The following GOPC variants were observed in gnomAD, a reference collection of about 807,000 sequenced individuals.
The protein encoded by GOPC is Golgi-associated PDZ and coiled-coil motif-containing protein.
Under a neutral mutation model 51.2 loss-of-function variants are expected in GOPC, and 32 were observed. The observed-to-expected ratio is 0.63, with a 90% CI of 0.47 to 0.84. The LOEUF (loss-of-function observed/expected upper bound fraction) is 0.84. GOPC is among the 40% of genes least tolerant of loss of function. GOPC has a pLI of 0.00. For synonymous variants in GOPC, 190 were observed against 205.1 expected (o/e 0.93, Z 0.63); for missense variants, 441 against 555.5 (o/e 0.79, Z 2.07).
chr6:117,572,043 A>T (rs1779814806), intron 5 of GOPC, among the ~76,000 whole-genome samples: 1 of 152,126 alleles, frequency 6.6e-6, no homozygotes, highest in Admixed American at 6.6e-5. Flanking sequence ...TTTCAAGTAT[A>T]ATAGAAGGAT....
intron 6 of GOPC, chr6:117,569,950 C>A: frequency 4.5e-6 from 2 of 446,970 alleles, no homozygotes; most frequent in South Asian, 5.2e-5. Flanking sequence ...TTAAAAAAAA[C>A]TTATGTGTTA....
chr6:117,567,799 A>C (rs1481165835), intron 7 of GOPC, among the ~76,000 whole-genome samples: 1 of 152,142 alleles, frequency 6.6e-6, no homozygotes, highest in East Asian at 1.9e-4. Context: ...AAAGAAAAAC[A>C]AAAGTTTGAC....
At chr6:117,582,301 C>CACAT (rs1209840887) in intron 1 of GOPC, among the ~76,000 whole-genome samples, 5 of 150,174 alleles carry the variant, frequency 3.3e-5, no homozygotes, top group Non-Finnish European at 5.9e-5. Context: ...CACACACACA[C>CACAT]ACACACACAT....
At chr6:117,596,217 G>C (rs1191085522) in intron 1 of GOPC, among the ~76,000 whole-genome samples, 1 of 151,946 alleles carries the variant, frequency 6.6e-6, no homozygotes, top group Non-Finnish European at 1.5e-5. Context: ...ATCTATTCAT[G>C]TCCCTAGCCC....
chr6:117,602,179 A>G lies in GOPC; in HGVS notation c.110T>C (p.Leu37Pro). Residue 37 changes from leucine to proline, a missense_variant, in exon 1 of 9, where the codon CTG becomes CCG. Physicochemically the swap from Leu to Pro is moderately conservative, Grantham distance 98. Around this residue, in one of 3 missense-constraint regions of GOPC, gnomAD observed 204 missense variants for 219.8 expected, o/e 0.93. Transcript: ENST00000368498. ...AAAAGCTTTGTCGAACTCCTTCTCC[A>G]GCACCTCCAGCCACCGGAACATGGA... ...GVSMFRWLEV[L>P]EKEFDKAFVD... The G allele has an allele frequency of 6.2e-7, 1 of 1,612,972 alleles. No individual in the cohort carries two copies. The highest frequency in any genetic ancestry group is 8.5e-7 in the Non-Finnish European group (1 of 1,179,996).
chr6:117,564,775 G>T (rs578008218), intron 8 of GOPC, among the ~76,000 whole-genome samples: 258 of 152,166 alleles, frequency 1.7e-3, no homozygotes, highest in Non-Finnish European at 2.8e-3. Flanking sequence ...GAAATACAAT[G>T]AAACCATATG....
intron 1 of GOPC, among the ~76,000 whole-genome samples, chr6:117,595,651 T>C (rs1351815694): frequency 6.6e-6 from 1 of 152,208 alleles, no homozygotes; most frequent in Non-Finnish European, 1.5e-5. Flanking sequence ...CATTTTGTTT[T>C]CCACTCCTGA....
Position 117,569,655 on chromosome 6 carries a change from C to T in GOPC, c.994G>A (p.Val332Ile), listed in dbSNP as rs116098352. ...QPADRCGGLH[V>I]GDAILAVNGV... ...TTGACTGCCAAAATAGCATCCCCAA[C>T]GTGCAGCCCTCCGCATCTATCAGCA... is the stretch of plus-strand genomic sequence containing the variant. Residue 332 changes from valine to isoleucine, a missense_variant, in exon 7 of 9, where the codon GTT (valine) becomes ATT (isoleucine). Physicochemically the swap from Val to Ile is conservative, Grantham distance 29 (BLOSUM62 3). This residue lies in a region of GOPC where 166 missense variants were observed against 267.0 expected (regional missense o/e 0.62). Transcript: ENST00000368498. 8.7e-6 allele frequency: 14 copies of T among 1,612,618 alleles called. No homozygotes were observed. The East Asian group carries it at 1.1e-4, about 13-fold the overall frequency.
At position 117,566,834 on chromosome 6, in the gene GOPC, AT is replaced by A; in HGVS notation, c.1258+19del. On this transcript the variant is annotated intron_variant, in intron 8 of 8. Coordinates refer to ENST00000368498, the MANE Select transcript of GOPC (RefSeq NM_020399.4). Reference sequence around the variant, plus strand: ...AATAATAATGAATATGTTAATAATAATTTTTAGAGTGATTTTTACCTTGTAA... The same window carrying A: ...AATAATAATGAATATGTTAATAATAATTTTAGAGTGATTTTTACCTTGTAA... 3 of 1,474,246 alleles carry A rather than the reference AT, an allele frequency of 2.0e-6. No individual in the cohort carries two copies. The highest frequency in any genetic ancestry group is 2.7e-6 in the Non-Finnish European group (3 of 1,098,436). The allele number at this position is 1,474,246 out of a possible 1,614,324, so 91.3% of individuals were successfully genotyped here.
chr6:117,574,909 T>C (rs1045896596), intron 4 of GOPC, among the ~76,000 whole-genome samples: 1 of 152,000 alleles, frequency 6.6e-6, no homozygotes, highest in Non-Finnish European at 1.5e-5. Flanking sequence ...TGAAACCCCA[T>C]CTCTACTAAA....
At chr6:117,578,366 A>T (rs921408703) in intron 2 of GOPC, among the ~76,000 whole-genome samples, 4 of 152,118 alleles carry the variant, frequency 2.6e-5, no homozygotes, top group African/African-American at 9.7e-5. Context: ...CTTTCCTTAG[A>T]TTAATCCTTC....
intron 3 of GOPC, 65 bp from the exon 4 acceptor site, chr6:117,575,417 C>T: frequency 8.6e-7 from 1 of 1,160,504 alleles, no homozygotes; most frequent in Middle Eastern, 2.0e-4. Flanking sequence ...AGACCATGTT[C>T]CTGAAAATGC....
chr6:117,590,124 G>T (rs529811824), intron 1 of GOPC, among the ~76,000 whole-genome samples: 1 of 151,998 alleles, frequency 6.6e-6, no homozygotes, highest in Non-Finnish European at 1.5e-5. Context: ...AATGATTGTG[G>T]GTAATCTTTG....
rs757399927 is a variant in GOPC at position 117,601,968 on chromosome 6, G to A, written c.285+36C>T. ...CATCTGACGCCACCGGGCAGCCTGG[G>A]GTTGGATGCCATAGCCGCCAGCACC... On this transcript the variant is annotated intron_variant, in intron 1 of 8. Coordinates refer to ENST00000368498, the MANE Select transcript of GOPC (RefSeq NM_020399.4). The A allele has an allele frequency of 3.7e-6, 6 of 1,605,392 alleles. No homozygotes were observed. The South Asian group carries it at 6.6e-5, about 18-fold the overall frequency.
chr6:117,584,775 T>C (rs1780006544), intron 1 of GOPC, among the ~76,000 whole-genome samples: 1 of 151,852 alleles, frequency 6.6e-6, no homozygotes, highest in Admixed American at 6.6e-5. Context: ...GGATGGATCA[T>C]GGGGCAAATT....
chr6:117,602,232 G>A lies in GOPC; in HGVS notation c.57C>T (p.Ser19=), dbSNP rs1209434906. The A allele has an allele frequency of 6.2e-7, 1 of 1,604,562 alleles. No individual in the cohort carries two copies. Among genetic ancestry groups the A allele is most frequent in the Non-Finnish European group, 8.5e-7 (1 of 1,179,876 alleles). ...AAAGGGPGGA[S]CSVGAPGGVS... is the part of the protein sequence containing the mutation. Reference sequence around the variant, plus strand: ...CCCCGCCAGGGGCCCCCACGGAGCAGGAGGCGCCCCCTGGGCCCCCTCCGG... The same window carrying A: ...CCCCGCCAGGGGCCCCCACGGAGCAAGAGGCGCCCCCTGGGCCCCCTCCGG... Residue 19 remains serine, a synonymous_variant, in exon 1 of 9, where the codon TCC becomes TCT. Transcript: ENST00000368498.
intron 1 of GOPC, among the ~76,000 whole-genome samples, chr6:117,598,824 C>A (rs894040128): frequency 1.3e-5 from 2 of 152,070 alleles, no homozygotes; most frequent in African/African-American, 2.4e-5. Context: ...GGAAAAAGTT[C>A]TAGTATTCTA....
intron 7 of GOPC, among the ~76,000 whole-genome samples, chr6:117,568,782 G>C (rs1056623824): frequency 2.0e-5 from 3 of 152,184 alleles, no homozygotes; most frequent in African/African-American, 7.2e-5. Context: ...ATATCAGCAA[G>C]TCTTCCCTGT....
chr6:117,581,042 ATAAATT>A (rs1173240336), intron 1 of GOPC, among the ~76,000 whole-genome samples: 1 of 152,224 alleles, frequency 6.6e-6, no homozygotes, highest in African/African-American at 2.4e-5. Flanking sequence ...AAAGAAAAAG[ATAAATT>A]TAAGTTTTAG....
Sources: gnomAD v4.1 joint callset for allele counts (sites outside exome capture counted in the v4.1 genomes callset) on GRCh38, gnomAD v4.1.1 for gene constraint, gnomAD v4.1.1 regional missense constraint, MANE v1.5 for transcripts, NCBI Gene and HGNC (gene_info 2026-07-23, HGNC 2026-07-21) for gene names.